Variants in LRRC7 observed in about 807,000 individuals in gnomAD.
LRRC7 encodes leucine rich repeat containing 7.
In LRRC7, 23 loss-of-function variants were observed where a neutral mutation model predicts 175.7. That is an observed-to-expected ratio of 0.13 (90% CI 0.09 to 0.19). The LOEUF (loss-of-function observed/expected upper bound fraction) is 0.19, where lower values mean the gene tolerates loss of function less well. Among genes scored for constraint, LRRC7 ranks in the 10% least tolerant of loss-of-function variants. The pLI is 1.00. For missense variants in LRRC7, 1,354 were observed against 1,904.7 expected (o/e 0.71, Z 5.38); for synonymous variants, 685 against 680.9 (o/e 1.01, Z -0.09).
chr1:69,825,775 A>G lies in LRRC7; in HGVS notation c.449A>G (p.Lys150Arg). The change falls in exon 5 of 27, where the codon AAG becomes AGG. Residue 150 changes from lysine (K) to arginine (R), a missense_variant. Transcript: ENST00000651989. ...GTACAAGAATTTCCAGAAAACATAA[A>G]GTGCTGTAAGTGTTTAACAATTATT... is the stretch of plus-strand genomic sequence containing the variant. ...NGVQEFPENI[K>R]CCKCLTIIEA... is the part of the protein sequence containing the mutation. 6.2e-7 allele frequency: 1 copy of G among 1,605,580 alleles called. No individual in the cohort carries two copies.
chr1:69,809,535 T>G (rs967390713), intron 4 of LRRC7, among the ~76,000 whole-genome samples: 11 of 152,268 alleles, frequency 7.2e-5, no homozygotes, highest in Admixed American at 2.6e-4. Flanking sequence ...AATAAAATAC[T>G]GGCAAGCCGA....
At chr1:69,812,719 A>C (rs1570078858) in intron 4 of LRRC7, among the ~76,000 whole-genome samples, 1 of 152,288 alleles carries the variant, frequency 6.6e-6, no homozygotes, top group South Asian at 2.1e-4. Context: ...TGATATGTGT[A>C]AAATTCAGAA....
At chr1:70,065,068 C>T (rs1438493489) in intron 23 of LRRC7, among the ~76,000 whole-genome samples, 1 of 151,886 alleles carries the variant, frequency 6.6e-6, no homozygotes, top group Non-Finnish European at 1.5e-5. Context: ...ACAAAATAAC[C>T]TGAGTCCTGT....
At chr1:69,928,959 C>A (rs1283070178) in intron 7 of LRRC7, among the ~76,000 whole-genome samples, 1 of 152,196 alleles carries the variant, frequency 6.6e-6, no homozygotes, top group African/African-American at 2.4e-5. Context: ...GGCTGCCAGC[C>A]TCTGAAATAC....
intron 1 of LRRC7, among the ~76,000 whole-genome samples, chr1:69,637,517 G>T (rs567218720): frequency 1.3e-5 from 2 of 151,954 alleles, no homozygotes; most frequent in African/African-American, 4.8e-5. Context: ...GCTTTGGCAA[G>T]ATATTTAATC....
chr1:69,739,567 T>C (rs1387572609), intron 2 of LRRC7, among the ~76,000 whole-genome samples: 1 of 152,060 alleles, frequency 6.6e-6, no homozygotes, highest in South Asian at 2.1e-4. Flanking sequence ...GGAGCACACT[T>C]TTGCAAAGTT....
chr1:70,066,354 T>C (rs1661971471), intron 23 of LRRC7, among the ~76,000 whole-genome samples: 1 of 152,032 alleles, frequency 6.6e-6, no homozygotes, highest in Non-Finnish European at 1.5e-5. Context: ...CTCAGGTTCA[T>C]TTGACTCCAA....
In LRRC7 at chr1:69,692,571, C is replaced by G. The variant is rs190038048; in HGVS notation, c.100+14093C>G. Reference sequence around the variant, plus strand: ...AGCAATGTGGATTTAACTGCAAGACCATTCTAAACCAAGGCCTTGACCCTT... The same window carrying G: ...AGCAATGTGGATTTAACTGCAAGACGATTCTAAACCAAGGCCTTGACCCTT... On this transcript the variant is annotated intron_variant, in intron 2 of 26. Transcript: ENST00000651989. Among the ~76,000 whole-genome samples the G allele has an allele frequency of 2.0e-5, 3 of 152,280 alleles. No individual in the cohort carries two copies. The East Asian group carries it at 5.8e-4, about 29-fold the overall frequency.
intron 2 of LRRC7, among the ~76,000 whole-genome samples, chr1:69,694,930 C>T (rs1662379065): frequency 6.6e-6 from 1 of 152,074 alleles, no homozygotes; most frequent in Non-Finnish European, 1.5e-5. Context: ...CTCGGGTATT[C>T]CTTTATAGCA....
In LRRC7 at chr1:69,800,311, G is replaced by A. The variant is rs1676318804; in HGVS notation, c.421+8151G>A. ...TGCATATTTTCATGTGGATTGCATT[G>A]AGTCTATAGATTGCTTTGGTCAGTA... On this transcript the variant is annotated intron_variant, in intron 4 of 26. Coordinates refer to ENST00000651989, the MANE Select transcript of LRRC7 (RefSeq NM_001370785.2). Among the ~76,000 whole-genome samples the A allele has an allele frequency of 2.0e-5, 3 of 151,886 alleles. No homozygotes were observed. In the South Asian group the frequency reaches 6.2e-4, roughly 31 times the overall value.
intron 22 of LRRC7, among the ~76,000 whole-genome samples, chr1:70,049,064 T>C (rs1251600535): frequency 6.6e-6 from 1 of 152,138 alleles, no homozygotes; most frequent in East Asian, 1.9e-4. Context: ...TAGCATCCAC[T>C]GCTAGTTGGC....
At chr1:69,696,184 C>T (rs966778970) in intron 2 of LRRC7, among the ~76,000 whole-genome samples, 6 of 152,312 alleles carry the variant, frequency 3.9e-5, no homozygotes, top group Admixed American at 3.3e-4. Flanking sequence ...AGTTGCCCAA[C>T]GAGTTGCCTT....
At chr1:69,863,416 CTTGT>C (rs1462661975) in intron 7 of LRRC7, among the ~76,000 whole-genome samples, 2 of 152,148 alleles carry the variant, frequency 1.3e-5, no homozygotes, top group Non-Finnish European at 2.9e-5. Flanking sequence ...TCTTGCCTAG[CTTGT>C]TTATCTCTGT....
intron 1 of LRRC7, among the ~76,000 whole-genome samples, chr1:69,635,423 A>G (rs1017073833): frequency 6.6e-6 from 1 of 152,118 alleles, no homozygotes; most frequent in Non-Finnish European, 1.5e-5. Context: ...CATTGAATTT[A>G]AAAGGATAAT....
chr1:69,991,575 CTG>C, intron 10 of LRRC7, among the ~76,000 whole-genome samples: 1 of 152,232 alleles, frequency 6.6e-6, no homozygotes, highest in African/African-American at 2.4e-5. Flanking sequence ...GAATAGGAAA[CTG>C]AGAGCTCTGT....
chr1:69,900,518 T>C (rs1220191301), intron 7 of LRRC7, among the ~76,000 whole-genome samples: 4 of 152,200 alleles, frequency 2.6e-5, no homozygotes, highest in Non-Finnish European at 5.9e-5. Context: ...AGTGTTGATA[T>C]TGTTTTCTTA....
intron 8 of LRRC7, among the ~76,000 whole-genome samples, chr1:69,939,019 A>ATATC (rs1186967727): frequency 2.7e-5 from 3 of 110,766 alleles, no homozygotes; most frequent in African/African-American, 9.8e-5. Context: ...ATATATCTAT[A>ATATC]TATATATATA....
At chr1:69,843,300 A>G (rs1348221322) in intron 7 of LRRC7, among the ~76,000 whole-genome samples, 5 of 152,124 alleles carry the variant, frequency 3.3e-5, no homozygotes. Flanking sequence ...TTTTAGTCAT[A>G]TAACCATTTC....
At chr1:69,915,905 T>G (rs1646672354) in intron 7 of LRRC7, among the ~76,000 whole-genome samples, 1 of 150,098 alleles carries the variant, frequency 6.7e-6, no homozygotes, top group African/African-American at 2.4e-5. Flanking sequence ...TTCTTATAGA[T>G]GACAAAACTG....
Sources: allele counts gnomAD v4.1 joint callset (sites outside exome capture counted in the v4.1 genomes callset), GRCh38; gene constraint gnomAD v4.1.1; transcripts MANE v1.5; gene names NCBI Gene and HGNC (gene_info 2026-07-23, HGNC 2026-07-21).